The following JAK2 variants were observed in gnomAD, a reference collection of about 807,000 sequenced individuals.
The protein encoded by JAK2 is tyrosine-protein kinase JAK2.
A neutral mutation model predicts 139.3 loss-of-function variants in JAK2; 86 were observed. The ratio of observed to expected loss-of-function variants is 0.62; its 90% CI spans 0.52 to 0.74. The LOEUF is 0.74. JAK2 is among the 30% of genes least tolerant of loss of function. The pLI, the probability that JAK2 is intolerant of heterozygous loss-of-function variation, is 0.00. For synonymous variants in JAK2, 490 were observed against 437.7 expected, an observed-to-expected ratio of 1.12 and a Z score of -1.49; for missense variants, 1,421 against 1,360.3, an observed-to-expected ratio of 1.04 and a Z score of -0.70.
intron 15 of JAK2, among the ~76,000 whole-genome samples, chr9:5,077,880 G>A (rs1379557372): frequency 6.6e-6 from 1 of 152,174 alleles, no homozygotes; most frequent in Non-Finnish European, 1.5e-5. Flanking sequence ...ATGTGCTTCT[G>A]TATTTTTGGG....
intron 10 of JAK2, among the ~76,000 whole-genome samples, chr9:5,067,153 T>A (rs1385736496): frequency 6.6e-6 from 1 of 152,170 alleles, no homozygotes; most frequent in African/African-American, 2.4e-5. Flanking sequence ...GGAAGCAAAT[T>A]TTCTGTTTAT....
intron 2 of JAK2, among the ~76,000 whole-genome samples, chr9:4,998,591 T>G (rs1820736351): frequency 6.6e-6 from 1 of 151,962 alleles, no homozygotes; most frequent in South Asian, 2.1e-4. Context: ...TTACAGCACT[T>G]GTCCCATATT....
At chr9:5,023,272 C>A (rs933982435) in intron 3 of JAK2, among the ~76,000 whole-genome samples, 1 of 152,170 alleles carries the variant, frequency 6.6e-6, no homozygotes, top group African/African-American at 2.4e-5. Context: ...TCTTTCAGTT[C>A]CTGGCTTATT....
intron 2 of JAK2, among the ~76,000 whole-genome samples, chr9:4,987,694 C>CTCCAGGCTGGG (rs58159255): frequency 0.43 from 62,502 of 146,470 alleles, 13,881 homozygotes; most frequent in African/African-American, 0.56. Context: ...CGAGATCTCA[C>CTCCAGGCTGGG]CACTGCACTC....
chr9:5,065,962 G>A (rs1349492075), intron 9 of JAK2, among the ~76,000 whole-genome samples: 1 of 152,082 alleles, frequency 6.6e-6, no homozygotes, highest in African/African-American at 2.4e-5. Flanking sequence ...TGAACTTTAT[G>A]TCTGTAATTT....
At chr9:5,041,461 G>T in intron 4 of JAK2, 1 of 608,934 alleles carries the variant, frequency 1.6e-6, no homozygotes, top group Non-Finnish European at 3.2e-6. Context: ...CCTGGCAGGG[G>T]CTCAAGGCTG....
rs939668718 is a variant in JAK2 at position 5,069,081 on chromosome 9, C to T, written c.1386C>T (p.Tyr462=). 48 of 1,609,756 alleles carry T rather than the reference C, an allele frequency of 3.0e-5. No individual in the cohort carries two copies. The highest frequency in any genetic ancestry group is 1.7e-4 in the Middle Eastern group (1 of 6,044). Residue 462 remains tyrosine (Y), a synonymous_variant, in exon 11 of 25, where the codon TAC becomes TAT. Coordinates refer to ENST00000381652, the MANE Select transcript of JAK2 (RefSeq NM_004972.4). ...TTACAAAAAATGAGAATGAAGAGTA[C>T]AACCTCAGTGGGACAAAGAAGAACT... is the stretch of plus-strand genomic sequence containing the variant. ...CLITKNENEE[Y]NLSGTKKNFS...
At chr9:5,021,443 G>A (rs2130068312) in intron 2 of JAK2, among the ~76,000 whole-genome samples, 1 of 152,186 alleles carries the variant, frequency 6.6e-6, no homozygotes, top group Non-Finnish European at 1.5e-5. Flanking sequence ...GTTGTTAACT[G>A]GAATTTTATA....
At chr9:5,002,890 C>T (rs1821008509) in intron 2 of JAK2, among the ~76,000 whole-genome samples, 2 of 151,886 alleles carry the variant, frequency 1.3e-5, no homozygotes, top group African/African-American at 4.8e-5. Flanking sequence ...TGTTTTCCAT[C>T]TTAAATTAAT....
chr9:5,069,283 T>C, intron 11 of JAK2, 75 bp downstream of exon 11: 7 of 945,706 alleles, frequency 7.4e-6, no homozygotes, highest in Middle Eastern at 5.6e-4. Flanking sequence ...CTTCAGTACA[T>C]TGATTTCAAA....
intron 4 of JAK2, among the ~76,000 whole-genome samples, chr9:5,040,230 G>A (rs1422031180): frequency 3.3e-5 from 5 of 152,120 alleles, no homozygotes; most frequent in South Asian, 2.1e-4. Flanking sequence ...CTAACAGTGC[G>A]GGGACAACTG....
At chr9:5,033,024 G>C (rs1823286548) in intron 4 of JAK2, among the ~76,000 whole-genome samples, 1 of 152,134 alleles carries the variant, frequency 6.6e-6, no homozygotes, top group Non-Finnish European at 1.5e-5. Context: ...TGGCTAACTA[G>C]AATAACCAAT....
At chr9:5,126,478 T>G (rs766478983) in intron 24 of JAK2, 32 bp downstream of exon 24, 1 of 1,420,214 alleles carries the variant, frequency 7.0e-7, no homozygotes, top group African/African-American at 1.4e-5. Context: ...AGGGTAGTCA[T>G]GCATTTTCTT....
At chr9:5,050,975 G>C in intron 6 of JAK2, 144 bp downstream of exon 6, 3 of 764,592 alleles carry the variant, frequency 3.9e-6, no homozygotes. Flanking sequence ...AATCAGAAAT[G>C]CTTCAGATTT....
chr9:5,025,240 A>C (rs1408969158), intron 3 of JAK2, among the ~76,000 whole-genome samples: 4 of 152,102 alleles, frequency 2.6e-5, no homozygotes, highest in African/African-American at 9.7e-5. Flanking sequence ...ATGGAAGTAA[A>C]GTTTAAGATT....
intron 8 of JAK2, among the ~76,000 whole-genome samples, chr9:5,056,931 C>A (rs1536798): frequency 0.6 from 91,435 of 151,982 alleles, 29,667 homozygotes; most frequent in African/African-American, 0.86. Flanking sequence ...CAAATGCATG[C>A]TTTGAAAACC....
intron 22 of JAK2, among the ~76,000 whole-genome samples, chr9:5,121,148 T>C (rs1209857803): frequency 6.6e-6 from 1 of 151,976 alleles, no homozygotes; most frequent in African/African-American, 2.4e-5. Context: ...GAAAACAAAA[T>C]CTTCCAACCC....
At chr9:5,087,393 A>C (rs1043360905) in intron 19 of JAK2, among the ~76,000 whole-genome samples, 1 of 152,184 alleles carries the variant, frequency 6.6e-6, no homozygotes, top group East Asian at 1.9e-4. Flanking sequence ...GCCTCCCACC[A>C]GGTCCTTCCA....
intron 22 of JAK2, among the ~76,000 whole-genome samples, chr9:5,119,728 A>G (rs1438078659): frequency 1.3e-5 from 2 of 152,208 alleles, no homozygotes. Context: ...GGGAATAATT[A>G]GAAGCAACTT....
Sources: allele counts gnomAD v4.1 joint callset (sites outside exome capture counted in the v4.1 genomes callset), GRCh38; gene constraint gnomAD v4.1.1; transcripts MANE v1.5; gene names NCBI Gene and HGNC (gene_info 2026-07-23, HGNC 2026-07-21).